ERC2: variants seen among roughly 807,000 people sequenced by gnomAD.
ERC2 encodes ELKS/RAB6-interacting/CAST family member 2.
Under a neutral mutation model 114.8 loss-of-function variants are expected in ERC2, and 42 were observed. The ratio of observed to expected loss-of-function variants is 0.37; its 90% CI spans 0.29 to 0.47. The LOEUF (loss-of-function observed/expected upper bound fraction) is 0.47, where lower values mean the gene tolerates loss of function less well. Ranked by LOEUF, ERC2 falls within the 20% of genes least tolerant of loss-of-function variation. ERC2 has a pLI of 0.99. For synonymous variants in ERC2, 454 were observed against 425.5 expected, an observed-to-expected ratio of 1.07 and a Z score of -0.82; for missense variants, 939 against 1,150.7, an observed-to-expected ratio of 0.82 and a Z score of 2.66.
intron 14 of ERC2, among the ~76,000 whole-genome samples, chr3:55,748,968 A>T (rs962564048): frequency 6.6e-6 from 1 of 152,244 alleles, no homozygotes; most frequent in Non-Finnish European, 1.5e-5. Flanking sequence ...ACACATGCCC[A>T]TAGATCATTT....
chr3:55,639,578 G>A (rs2060091398), intron 17 of ERC2, among the ~76,000 whole-genome samples: 2 of 152,162 alleles, frequency 1.3e-5, no homozygotes, highest in Admixed American at 1.3e-4. Context: ...AATAACTGGG[G>A]GAGATCTAAC....
At chr3:55,538,444 C>T (rs375567916) in intron 17 of ERC2, among the ~76,000 whole-genome samples, 89 of 152,328 alleles carry the variant, frequency 5.8e-4, no homozygotes, top group African/African-American at 1.9e-3. Flanking sequence ...ACTCGGATGC[C>T]GAGAAGGTGC....
chr3:56,368,160 A>T (rs982007848), intron 2 of ERC2, among the ~76,000 whole-genome samples: 1 of 150,334 alleles, frequency 6.7e-6, no homozygotes, highest in Admixed American at 6.7e-5. Flanking sequence ...ATCTACAATA[A>T]AAGTTGAAAT....
chr3:56,116,243 CTACTT>C (rs2079226416), intron 6 of ERC2, among the ~76,000 whole-genome samples: 1 of 152,184 alleles, frequency 6.6e-6, no homozygotes, highest in Non-Finnish European at 1.5e-5. Context: ...ATATTTTACT[CTACTT>C]TACCCTAGCC....
At position 55,734,783 on chromosome 3, in the gene ERC2, T is replaced by C. The variant is rs756110285; in HGVS notation, c.2700A>G (p.Gln900=). ...CAGGAGGCCCCACCTGCTGCTTTAA[T>C]TGATGTACTAGTCGGTCTTTTTCCC... ...LKREKDRLVH[Q]LKQQTQNRMK... Residue 900 remains glutamine, a synonymous_variant, in exon 15 of 18, where the codon CAA becomes CAG. Transcript: ENST00000288221. 4 of 1,611,154 alleles carry C rather than the reference T, an allele frequency of 2.5e-6. No homozygotes were observed. Among genetic ancestry groups the C allele is most frequent in the East Asian group, 4.5e-5 (2 of 44,810 alleles).
At chr3:55,906,301 A>G (rs1469121866) in intron 13 of ERC2, among the ~76,000 whole-genome samples, 4 of 151,826 alleles carry the variant, frequency 2.6e-5, no homozygotes, top group Non-Finnish European at 5.9e-5. Flanking sequence ...GCATGGTGGC[A>G]GGCGCCTGTA....
intron 15 of ERC2, among the ~76,000 whole-genome samples, chr3:55,725,236 G>A (rs553314762): frequency 6.6e-6 from 1 of 152,194 alleles, no homozygotes; most frequent in African/African-American, 2.4e-5. Context: ...TAAAAGCCAG[G>A]GAACACAATG....
intron 1 of ERC2, among the ~76,000 whole-genome samples, chr3:56,436,000 C>T (rs6445790): frequency 0.83 from 127,024 of 152,216 alleles, 53,302 homozygotes; most frequent in East Asian, 0.93. Context: ...GTTCCCATCA[C>T]GGTTACTGAA....
chr3:55,968,320 T>C (rs2068904319), intron 12 of ERC2, among the ~76,000 whole-genome samples: 1 of 152,202 alleles, frequency 6.6e-6, no homozygotes, highest in Admixed American at 6.5e-5. Context: ...GAAAACATGA[T>C]GACTCAGAAA....
chr3:55,778,926 G>A (rs1457192143), intron 14 of ERC2, among the ~76,000 whole-genome samples: 1 of 152,064 alleles, frequency 6.6e-6, no homozygotes, highest in East Asian at 1.9e-4. Context: ...TGACAAAAAG[G>A]CAAGGGAATA....
chr3:56,216,763 T>TC (rs1195876716), intron 3 of ERC2, among the ~76,000 whole-genome samples: 1 of 152,256 alleles, frequency 6.6e-6, no homozygotes, highest in African/African-American at 2.4e-5. Context: ...GCAAACCAAA[T>TC]CCAGCAGCAC....
Position 56,302,508 on chromosome 3 carries a change from C to A in ERC2, c.658-6073G>T, listed in dbSNP as rs112394145. On this transcript the variant is annotated intron_variant, in intron 2 of 17. Transcript: ENST00000288221. ...TTCAATAAAAACTAGCTCTAAAGGA[C>A]CAGGATACAATACAAGTGAACGCTC... 7.3e-3 allele frequency among the ~76,000 whole-genome samples: 1,113 copies of A among 152,068 alleles called. 20 individuals are homozygous for A. The highest frequency in any genetic ancestry group is 0.026 in the African/African-American group (1,064 of 41,522).
chr3:55,688,344 A>G (rs1328017646), intron 16 of ERC2, among the ~76,000 whole-genome samples: 1 of 152,124 alleles, frequency 6.6e-6, no homozygotes, highest in East Asian at 1.9e-4. Flanking sequence ...CTTTGTGCAG[A>G]TATGGAAAGG....
intron 14 of ERC2, among the ~76,000 whole-genome samples, chr3:55,827,090 G>C (rs1194443299): frequency 6.6e-6 from 1 of 152,158 alleles, no homozygotes; most frequent in South Asian, 2.1e-4. Context: ...AATTGTTCTG[G>C]ATTTATCTGT....
intron 6 of ERC2, among the ~76,000 whole-genome samples, chr3:56,111,097 C>G (rs1441803077): frequency 6.6e-6 from 1 of 152,018 alleles, no homozygotes; most frequent in Non-Finnish European, 1.5e-5. Flanking sequence ...ATTATAGACC[C>G]CAGAAAGTTA....
intron 14 of ERC2, among the ~76,000 whole-genome samples, chr3:55,873,518 A>G (rs1233234879): frequency 6.6e-6 from 1 of 152,218 alleles, no homozygotes; most frequent in Non-Finnish European, 1.5e-5. Flanking sequence ...TCAAAACACA[A>G]TCCAGTCATG....
chr3:55,572,819 A>G (rs951855458), intron 17 of ERC2, among the ~76,000 whole-genome samples: 1 of 152,174 alleles, frequency 6.6e-6, no homozygotes, highest in African/African-American at 2.4e-5. Context: ...CTGCTCTCTC[A>G]TTACAGTGAG....
intron 17 of ERC2, among the ~76,000 whole-genome samples, chr3:55,651,469 C>T (rs957955269): frequency 2.0e-5 from 3 of 152,160 alleles, no homozygotes; most frequent in Non-Finnish European, 2.9e-5. Context: ...TGTGATCGAG[C>T]GGACACTGAT....
At chr3:55,921,089 C>T (rs1297595994) in intron 13 of ERC2, among the ~76,000 whole-genome samples, 1 of 152,102 alleles carries the variant, frequency 6.6e-6, no homozygotes, top group East Asian at 1.9e-4. Flanking sequence ...AAAGTAAAAA[C>T]TGACTGTGAA....
Sources: allele counts gnomAD v4.1 joint callset (sites outside exome capture counted in the v4.1 genomes callset), GRCh38; gene constraint gnomAD v4.1.1; transcripts MANE v1.5; gene names NCBI Gene and HGNC (gene_info 2026-07-23, HGNC 2026-07-21).